Variants in PHLDB2 observed in about 807,000 individuals in gnomAD.
PHLDB2 encodes the protein pleckstrin homology-like domain family B member 2.
A neutral mutation model predicts 123.6 loss-of-function variants in PHLDB2; 71 were observed. That is an observed-to-expected ratio of 0.57 (90% CI 0.47 to 0.70). PHLDB2 has a LOEUF of 0.70. Among genes scored for constraint, PHLDB2 ranks in the 30% least tolerant of loss-of-function variants. The probability of loss-of-function intolerance (pLI) is 0.00; values close to 1 mark genes in which losing one functional copy is unlikely to be tolerated. For synonymous variants in PHLDB2, 547 were observed against 541.6 expected (o/e 1.01, Z -0.14); for missense variants, 1,446 against 1,519.5 (o/e 0.95, Z 0.80).
At chr3:111,791,208 G>A (rs1022178930) in intron 1 of PHLDB2, among the ~76,000 whole-genome samples, 1 of 152,154 alleles carries the variant, frequency 6.6e-6, no homozygotes, top group Non-Finnish European at 1.5e-5. Flanking sequence ...TTCTATATAT[G>A]GTATCTGCTG....
intron 6 of PHLDB2, among the ~76,000 whole-genome samples, chr3:111,935,620 G>T (rs1276615489): frequency 6.6e-6 from 1 of 152,140 alleles, no homozygotes; most frequent in Non-Finnish European, 1.5e-5. Context: ...GGAGCAAGGA[G>T]AGCCAGTCCA....
chr3:111,778,421 C>T (rs1044968956), intron 1 of PHLDB2: 6 of 151,986 alleles, frequency 3.9e-5, no homozygotes, highest in African/African-American at 1.4e-4. Flanking sequence ...TTCTAGCCTC[C>T]AAAACTGTGA....
At chr3:111,912,934 C>T (rs1052829299) in intron 2 of PHLDB2, among the ~76,000 whole-genome samples, 6 of 152,194 alleles carry the variant, frequency 3.9e-5, no homozygotes, top group Admixed American at 2.0e-4. Context: ...TATGATTGTG[C>T]CACTGCACTC....
chr3:111,888,767 A>G (rs2066320093), intron 2 of PHLDB2, among the ~76,000 whole-genome samples: 1 of 152,250 alleles, frequency 6.6e-6, no homozygotes, highest in African/African-American at 2.4e-5. Flanking sequence ...CATTAAACAT[A>G]CTTTATGAAT....
intron 1 of PHLDB2, among the ~76,000 whole-genome samples, chr3:111,747,742 G>A (rs6438005): frequency 0.94 from 142,665 of 152,322 alleles, 66,857 homozygotes; most frequent in East Asian, 1. Flanking sequence ...GTGTTTAGCA[G>A]TCTGACTCAT....
intron 1 of PHLDB2, among the ~76,000 whole-genome samples, chr3:111,765,813 G>A (rs1475906265): frequency 2.0e-5 from 3 of 152,136 alleles, no homozygotes; most frequent in Non-Finnish European, 2.9e-5. Flanking sequence ...GAAACTTAAG[G>A]TGGAAAAGAA....
At chr3:111,874,018 T>A (rs1457419280) in intron 1 of PHLDB2, among the ~76,000 whole-genome samples, 2 of 152,260 alleles carry the variant, frequency 1.3e-5, no homozygotes, top group Non-Finnish European at 2.9e-5. Context: ...TGATTTTTCC[T>A]ATATGGATTT....
chr3:111,741,441 A>G (rs1351535453), intron 1 of PHLDB2, among the ~76,000 whole-genome samples: 1 of 152,168 alleles, frequency 6.6e-6, no homozygotes, highest in Non-Finnish European at 1.5e-5. Context: ...CATGCCATAA[A>G]TCTTCAGGCA....
intron 1 of PHLDB2, among the ~76,000 whole-genome samples, chr3:111,876,959 C>CT (rs1302105220): frequency 6.6e-6 from 1 of 152,168 alleles, no homozygotes; most frequent in East Asian, 1.9e-4. Flanking sequence ...TTTCTTTATC[C>CT]AGTCTATCAT....
chr3:111,866,307 C>A (rs189792297), intron 1 of PHLDB2, among the ~76,000 whole-genome samples: 2 of 151,886 alleles, frequency 1.3e-5, no homozygotes, highest in Non-Finnish European at 2.9e-5. Flanking sequence ...CATGAGCCAC[C>A]GAGCCCGGCC....
intron 1 of PHLDB2, among the ~76,000 whole-genome samples, chr3:111,794,918 C>A (rs1414725091): frequency 6.6e-6 from 1 of 152,176 alleles, no homozygotes; most frequent in African/African-American, 2.4e-5. Flanking sequence ...CCACTGTTGT[C>A]TTTAATGGCT....
intron 2 of PHLDB2, among the ~76,000 whole-genome samples, chr3:111,898,162 TTGTGTGTGTGTGTGTGTGTTTG>T (rs2066977956): frequency 1.5e-5 from 2 of 135,980 alleles, no homozygotes; most frequent in South Asian, 2.6e-4. Flanking sequence ...GGCAATTTCT[TTGTGTGTGTGTGTGTGTGTTTG>T]TGTGTGTGTG....
chr3:111,852,071 T>C, intron 2 of PHLDB2, among the ~76,000 whole-genome samples: 2 of 152,084 alleles, frequency 1.3e-5, no homozygotes, highest in Non-Finnish European at 2.9e-5. Context: ...TATATTACAT[T>C]ATCATATTAC....
At chr3:111,963,786 T>A (rs1422549010) in intron 13 of PHLDB2, among the ~76,000 whole-genome samples, 1 of 152,236 alleles carries the variant, frequency 6.6e-6, no homozygotes, top group African/African-American at 2.4e-5. Flanking sequence ...TAAAAACAAA[T>A]CTTAAGCAGA....
chr3:111,766,954 G>C (rs4396865), intron 1 of PHLDB2, among the ~76,000 whole-genome samples: 148,503 of 150,588 alleles, frequency 0.99, 73,259 homozygotes, highest in Middle Eastern at 1. Context: ...TCGCTGGAAC[G>C]TGAGACGCAG....
At position 111,809,432 on chromosome 3, in the gene PHLDB2, T is replaced by C. The variant is rs147113119; in HGVS notation, c.-48-36389T>C. On this transcript the variant is annotated intron_variant, in intron 1 of 17. Transcript: ENST00000393923. ...AGCCTGTGGTTCTATGGCATGTCAG[T>C]AATCTGAAAAGTCTATCTGAAGTCC... 7.9e-5 allele frequency among the ~76,000 whole-genome samples: 12 copies of C among 152,354 alleles called. 1 individual carries two copies. In the East Asian group the frequency reaches 2.3e-3, roughly 29 times the overall value.
intron 1 of PHLDB2, among the ~76,000 whole-genome samples, chr3:111,866,930 G>GGTGTGTGT (rs3082321): frequency 0.16 from 19,998 of 125,550 alleles, 1,703 homozygotes; most frequent in East Asian, 0.23. Context: ...GTTTCTAAGG[G>GGTGTGTGT]GTGTGTGTGT....
chr3:111,893,983 A>G (rs943459966), intron 2 of PHLDB2, among the ~76,000 whole-genome samples: 2 of 148,058 alleles, frequency 1.4e-5, no homozygotes, highest in African/African-American at 5.0e-5. Flanking sequence ...ATACGTATAC[A>G]TGTGCCATGC....
At position 111,779,366 on chromosome 3, in the gene PHLDB2, G is replaced by A. The variant is rs571406375; in HGVS notation, c.-49+46663G>A. Among the ~76,000 whole-genome samples, 42 of 152,056 alleles carry A rather than the reference G, an allele frequency of 2.8e-4. 1 individual carries two copies. The highest frequency in any genetic ancestry group is 2.5e-3 in the Admixed American group (38 of 15,242). ...TGAACCTGTCACCCAGGTACTAAGCGTAGTACCCAATAGATAGTTTTTCAG... is the reference window on the plus strand; with the variant it reads ...TGAACCTGTCACCCAGGTACTAAGCATAGTACCCAATAGATAGTTTTTCAG... On this transcript the variant is annotated intron_variant, in intron 1 of 17. Coordinates refer to the PHLDB2 transcript ENST00000393923.
Sources: allele counts gnomAD v4.1 joint callset (sites outside exome capture counted in the v4.1 genomes callset), GRCh38; gene constraint gnomAD v4.1.1; transcripts MANE v1.5; gene names NCBI Gene and HGNC (gene_info 2026-07-23, HGNC 2026-07-21).